CDKL5: variants seen among roughly 807,000 people sequenced by gnomAD.
The protein encoded by CDKL5 is cyclin dependent kinase like 5, also known as cyclin-dependent kinase-like 5.
A neutral mutation model predicts 61.7 loss-of-function variants in CDKL5; 8 were observed. That is an observed-to-expected ratio of 0.13 (90% CI 0.08 to 0.23). The LOEUF (loss-of-function observed/expected upper bound fraction) is 0.23. CDKL5 is among the 10% of genes least tolerant of loss of function. The pLI, the probability that CDKL5 is intolerant of heterozygous loss-of-function variation, is 1.00. For synonymous variants in CDKL5, 275 were observed against 272.3 expected (o/e 1.01, Z -0.10); for missense variants, 440 against 734.5 (o/e 0.60, Z 4.63).
At chrX:18,570,701 TA>T (rs747917428) in intron 4 of CDKL5, among the ~76,000 whole-genome samples, 6 of 112,081 alleles carry the variant, frequency 5.4e-5, no homozygotes, top group Non-Finnish European at 1.1e-4. Context: ...CACAGTTCTT[TA>T]AAAATAGAGT....
chrX:18,618,962 C>T (rs1246402721), intron 15 of CDKL5, among the ~76,000 whole-genome samples: 1 of 110,997 alleles, frequency 9.0e-6, no homozygotes, highest in Non-Finnish European at 1.9e-5. Context: ...GAGCAAGACA[C>T]TGTCTCAAAA....
chrX:18,557,832 A>T (rs769314302), intron 3 of CDKL5, among the ~76,000 whole-genome samples: 1 of 112,230 alleles, frequency 8.9e-6, no homozygotes, highest in South Asian at 3.7e-4. Context: ...TGAGTTGATG[A>T]TTATAAGTCT....
rs762982589 is a variant in CDKL5 at position 18,570,052 on chromosome X, CT to C, written c.146-5301del. Among the ~76,000 whole-genome samples, 479 of 111,355 alleles carry C rather than the reference CT, an allele frequency of 4.3e-3. 2 individuals carry two copies. The Middle Eastern group carries it at 0.046, about 11-fold the overall frequency. ...CTGTCTTCTAATTTATTTTATTCTTCTGTTTACCCAGACACTGGAAAGCTCT... is the reference window on the plus strand; with the variant it reads ...CTGTCTTCTAATTTATTTTATTCTTCGTTTACCCAGACACTGGAAAGCTCT... On this transcript the variant is annotated intron_variant, in intron 4 of 17. Coordinates refer to ENST00000623535, the MANE Select transcript of CDKL5 (RefSeq NM_001323289.2).
chrX:18,543,112 A>G (rs1183297195), intron 3 of CDKL5, among the ~76,000 whole-genome samples: 4 of 109,750 alleles, frequency 3.6e-5, no homozygotes, highest in Non-Finnish European at 7.6e-5. Context: ...GTGTTTTCCT[A>G]CTTGGGCCTG....
At chrX:18,599,515 A>G (rs1390078711) in intron 11 of CDKL5, among the ~76,000 whole-genome samples, 1 of 112,541 alleles carries the variant, frequency 8.9e-6, no homozygotes, top group South Asian at 3.7e-4. Context: ...GAGCAGTGGC[A>G]TGATTATAAC....
At position 18,520,216 on chromosome X, in the gene CDKL5, A is replaced by G. The variant is rs746381417; in HGVS notation, c.99+9362A>G. On this transcript the variant is annotated intron_variant, in intron 3 of 17. Coordinates refer to ENST00000623535, the MANE Select transcript of CDKL5 (RefSeq NM_001323289.2). ...GTTCCAAAACATTTTCATCACCTCA[A>G]AAGAAAACCCTGTACTCACTATTTA... is the stretch of plus-strand genomic sequence containing the variant. 2.7e-5 allele frequency among the ~76,000 whole-genome samples: 3 copies of G among 112,422 alleles called. No individual in the cohort carries two copies. In the Admixed American group the frequency reaches 2.8e-4, roughly 11 times the overall value.
chrX:18,561,927 C>A (rs1006634415), intron 3 of CDKL5, among the ~76,000 whole-genome samples: 2 of 111,312 alleles, frequency 1.8e-5, no homozygotes, highest in African/African-American at 6.5e-5. Flanking sequence ...AAGTAATGGA[C>A]ATAATTACAA....
At chrX:18,589,554 G>A (rs1460986280) in intron 9 of CDKL5, 1 of 111,295 alleles carries the variant, frequency 9.0e-6, no homozygotes, top group Non-Finnish European at 1.9e-5. Context: ...TGGACATTTG[G>A]GTTGGGTCCA....
At chrX:18,644,952 A>G (rs988967819), downstream of CDKL5, among the ~76,000 whole-genome samples, 5 of 112,495 alleles carry the variant, frequency 4.4e-5, no homozygotes, top group African/African-American at 9.7e-5. Context: ...ACGCAGGTGC[A>G]TGGCTGTTAG....
chrX:18,647,605 G>T, intron 20 of CDKL5: 1 of 354,958 alleles, frequency 2.8e-6, no homozygotes, highest in South Asian at 4.7e-5. Context: ...TTCACAAGGG[G>T]TGTGTGGAAT....
At chrX:18,531,319 C>T (rs1390376746) in intron 3 of CDKL5, among the ~76,000 whole-genome samples, 3 of 112,318 alleles carry the variant, frequency 2.7e-5, no homozygotes, top group Non-Finnish European at 3.8e-5. Flanking sequence ...TTAGATCTTA[C>T]CCCTGGGTGT....
chrX:18,649,925 C>G (rs1602315072), intron 20 of CDKL5: 1 of 167,191 alleles, frequency 6.0e-6, no homozygotes, highest in Non-Finnish European at 1.1e-5. Flanking sequence ...CTCTGAGGCC[C>G]CTCCACTTTG....
rs1927170559 is a variant in CDKL5 at position 18,629,376 on chromosome X, G to A, written c.*619G>A. 1.4e-6 allele frequency: 1 copy of A among 709,099 alleles called. No individual in the cohort carries two copies. The highest frequency in any genetic ancestry group is 1.7e-6 in the Non-Finnish European group (1 of 600,217). 58.4% of individuals were successfully genotyped at this position (709,099 alleles called of 1,213,427 possible). A position where few individuals can be genotyped will look rare whatever the true frequency, so the allele number is the denominator to read the frequency against. The stretch of plus-strand genomic sequence containing the variant: ...GAGCTGTTTGAAACATTGTGAAGCA[G>A]TGGGACAGCTACAGTAGTTTCTATA... On this transcript the variant is annotated 3_prime_UTR_variant, in exon 18 of 18. Coordinates refer to ENST00000623535, the MANE Select transcript of CDKL5 (RefSeq NM_001323289.2).
intron 15 of CDKL5, among the ~76,000 whole-genome samples, chrX:18,617,016 G>A (rs1926738935): frequency 9.0e-6 from 1 of 111,553 alleles, no homozygotes; most frequent in Non-Finnish European, 1.9e-5. Flanking sequence ...AGCAGCTTGA[G>A]TGAGATCAGA....
chrX:18,521,636 G>A (rs1299566244), intron 3 of CDKL5, among the ~76,000 whole-genome samples: 1 of 112,248 alleles, frequency 8.9e-6, no homozygotes, highest in African/African-American at 3.2e-5. Context: ...GAAGTCTGAG[G>A]TTTTTGTGTA....
chrX:18,436,845 G>A (rs1225245555), intron 1 of CDKL5, among the ~76,000 whole-genome samples: 1 of 99,425 alleles, frequency 1.0e-5, no homozygotes, highest in African/African-American at 3.8e-5. Context: ...GCTGCAGTGA[G>A]CCGTGATTAT....
intron 3 of CDKL5, among the ~76,000 whole-genome samples, chrX:18,538,557 T>C (rs925021273): frequency 1.8e-5 from 2 of 111,889 alleles, no homozygotes; most frequent in African/African-American, 6.5e-5. Flanking sequence ...TTTTATAAGC[T>C]TACATTTTAC....
chrX:18,560,647 A>C (rs1234819616), intron 3 of CDKL5, among the ~76,000 whole-genome samples: 1 of 111,638 alleles, frequency 9.0e-6, no homozygotes, highest in African/African-American at 3.3e-5. Context: ...ATTATGAAAG[A>C]TCCAACCTAG....
chrX:18,598,342 G>T, intron 10 of CDKL5, 120 bp from the exon 11 acceptor site: 1 of 521,467 alleles, frequency 1.9e-6, no homozygotes, highest in Non-Finnish European at 3.3e-6. Context: ...CCTGAACTGT[G>T]TTTACTTGAT....
Sources: gnomAD v4.1 joint callset for allele counts (sites outside exome capture counted in the v4.1 genomes callset) on GRCh38, gnomAD v4.1.1 for gene constraint, MANE v1.5 for transcripts, NCBI Gene and HGNC (gene_info 2026-07-23, HGNC 2026-07-21) for gene names.